The following ACSM2B variants were observed in gnomAD, a reference collection of about 807,000 sequenced individuals.
ACSM2B encodes acyl-coenzyme A synthetase ACSM2B, mitochondrial.
A neutral mutation model predicts 78.6 loss-of-function variants in ACSM2B; 58 were observed. The observed-to-expected ratio is 0.74, with a 90% confidence interval of 0.60 to 0.92. The LOEUF is 0.92. ACSM2B is among the 40% of genes least tolerant of loss of function. The pLI is 0.00. For missense variants in ACSM2B, 688 were observed against 711.2 expected, an observed-to-expected ratio of 0.97 and a Z score of 0.37; for synonymous variants, 257 against 256.8, an observed-to-expected ratio of 1.00 and a Z score of -0.01.
In ACSM2B at chr16:20,559,297, C is replaced by T. The variant is rs1385737959; in HGVS notation, c.328G>A (p.Ala110Thr). Residue 110 changes from alanine (A) to threonine (T), a missense_variant, in exon 3 of 14, where the codon GCA becomes ACA. Ala to Thr is a moderately conservative substitution (Grantham distance 58). Transcript: ENST00000329697. ...TCAGGCACTCGGGGCAGCATCACTG[C>T]CACACGATCCCCACGCTGCAGGCCA... ...ACGLQRGDRVAVMLPRVPEWW... is the reference protein window; with the variant it reads ...ACGLQRGDRVTVMLPRVPEWW... The T allele has an allele frequency of 6.2e-7, 1 of 1,613,688 alleles. No individual in the cohort carries two copies. The highest frequency in any genetic ancestry group is 1.7e-4 in the Middle Eastern group (1 of 6,038).
At chr16:20,553,653 C>A (rs1039008975) in intron 5 of ACSM2B, 124 bp downstream of exon 5, 1 of 1,448,104 alleles carries the variant, frequency 6.9e-7, no homozygotes, top group Admixed American at 2.3e-5. Context: ...TTTAGCTTTC[C>A]TTCTGAATTT....
At position 20,542,929 on chromosome 16, in the gene ACSM2B, G is replaced by C; in HGVS notation, c.1494C>G (p.Asp498Glu). The C allele has an allele frequency of 1.7e-5, 27 of 1,613,720 alleles. No individual in the cohort carries two copies. The highest frequency in any genetic ancestry group is 2.3e-5 in the Non-Finnish European group (27 of 1,179,852). Residue 498 changes from aspartate to glutamate, a missense_variant, in exon 12 of 14, where the codon GAC becomes GAG. Coordinates refer to ENST00000329697, the MANE Select transcript of ACSM2B (RefSeq NM_001105069.2). ...VVETAVISSP[D>E]PVRGEVVKAF... ...TCCCCATCACCTCTCCTCGGACGGGGTCTGGGCTGCTGATCACAGCCGTCT... is the reference window on the plus strand; with the variant it reads ...TCCCCATCACCTCTCCTCGGACGGGCTCTGGGCTGCTGATCACAGCCGTCT...
chr16:20,567,164 T>C (rs2015923173), intron 1 of ACSM2B, among the ~76,000 whole-genome samples: 1 of 134,392 alleles, frequency 7.4e-6, no homozygotes, highest in African/African-American at 2.7e-5. Context: ...TAAGATTATA[T>C]ATTATATATA....
At chr16:20,549,247 T>C (rs529256614) in intron 6 of ACSM2B, among the ~76,000 whole-genome samples, 2 of 152,176 alleles carry the variant, frequency 1.3e-5, no homozygotes, top group Non-Finnish European at 2.9e-5. Flanking sequence ...CTTAATCTGT[T>C]TTCTGTTGTT....
Position 20,545,230 on chromosome 16 carries a change from G to A in ACSM2B, c.1208C>T (p.Pro403Leu), listed in dbSNP as rs1192057435. The change falls in exon 10 of 14, where the codon CCC (proline) becomes CTC (leucine). Residue 403 changes from proline to leucine, a missense_variant. Physicochemically the swap from Pro to Leu is moderately conservative, Grantham distance 98. Coordinates refer to ENST00000329697, the MANE Select transcript of ACSM2B (RefSeq NM_001105069.2). ...QVIDDKGNVL[P>L]PGTEGDIGIR... ...GCCAATGTCTCCTTCTGTGCCGGGG[G>A]GCAGGACGTTGCCCTTATCATCTAT... The A allele has an allele frequency of 4.3e-6, 7 of 1,613,796 alleles. No homozygotes were observed. The highest frequency in any genetic ancestry group is 2.2e-5 in the South Asian group (2 of 91,028).
At position 20,555,151 on chromosome 16, in the gene ACSM2B, A is replaced by T. The variant is rs565915467; in HGVS notation, c.596+118T>A. On this transcript the variant is annotated intron_variant, in intron 4 of 13. Coordinates refer to ENST00000329697, the MANE Select transcript of ACSM2B (RefSeq NM_001105069.2). ...TTAGCTTTTATTTCTTCCCAGCTTCACTCTTCCTAGTCCCATGCTGTTCTT... is the reference window on the plus strand; with the variant it reads ...TTAGCTTTTATTTCTTCCCAGCTTCTCTCTTCCTAGTCCCATGCTGTTCTT... 8.0e-6 allele frequency: 12 copies of T among 1,495,410 alleles called. No individual in the cohort carries two copies. The East Asian group carries it at 2.5e-4, about 31-fold the overall frequency. The allele number at this position is 1,495,410 out of a possible 1,614,324, so 92.6% of individuals were successfully genotyped here.
chr16:20,569,652 A>G (rs528311383), intron 1 of ACSM2B, among the ~76,000 whole-genome samples: 11 of 151,760 alleles, frequency 7.2e-5, no homozygotes, highest in Non-Finnish European at 1.3e-4. Flanking sequence ...GAATTTGTAT[A>G]TTGCTTTTGG....
intron 2 of ACSM2B, among the ~76,000 whole-genome samples, chr16:20,563,202 A>G (rs2015719231): frequency 6.6e-6 from 1 of 152,198 alleles, no homozygotes; most frequent in Non-Finnish European, 1.5e-5. Flanking sequence ...GGTGCAAAAA[A>G]GTTATTTCAG....
rs376660236 is a variant in ACSM2B at position 20,537,261 on chromosome 16, C to G, written c.1731G>C (p.Gln577His). The G allele has an allele frequency of 9.2e-5, 148 of 1,613,912 alleles. No individual in the cohort carries two copies. The highest frequency in any genetic ancestry group is 1.2e-4 in the Non-Finnish European group (142 of 1,179,892). ...EWKMSGKARA[Q>H] ...AAATGAATGTCTCCTAGACGCCTCA[C>G]TGCGCACGGGCTTTTCCGGACATCT... Residue 577 changes from glutamine to histidine, a missense_variant, in exon 14 of 14, where the codon CAG becomes CAC. Coordinates refer to ENST00000329697, the MANE Select transcript of ACSM2B (RefSeq NM_001105069.2).
At chr16:20,551,207 G>C (rs1420104332) in intron 6 of ACSM2B, among the ~76,000 whole-genome samples, 1 of 152,050 alleles carries the variant, frequency 6.6e-6, no homozygotes, top group East Asian at 1.9e-4. Context: ...TCAGAGAAGG[G>C]GTATGAACAC....
chr16:20,558,086 G>A (rs547464086), intron 3 of ACSM2B, among the ~76,000 whole-genome samples: 1 of 152,250 alleles, frequency 6.6e-6, no homozygotes, highest in African/African-American at 2.4e-5. Context: ...GAGTCATGGA[G>A]CCAGAGGTCA....
intron 2 of ACSM2B, among the ~76,000 whole-genome samples, chr16:20,563,631 T>C (rs1355376501): frequency 6.6e-6 from 1 of 151,934 alleles, no homozygotes; most frequent in Non-Finnish European, 1.5e-5. Flanking sequence ...TTGAAAATTT[T>C]CAATTTTAAA....
At chr16:20,571,980 T>C (rs995718434) in intron 1 of ACSM2B, among the ~76,000 whole-genome samples, 10 of 151,272 alleles carry the variant, frequency 6.6e-5, no homozygotes, top group African/African-American at 2.2e-4. Context: ...TAGATGAGTC[T>C]CTTGAAAGCA....
Position 20,548,422 on chromosome 16 carries a change from G to C in ACSM2B, c.946C>G (p.Arg316Gly). 1 of 1,613,588 alleles carries C rather than the reference G, an allele frequency of 6.2e-7. No individual in the cohort carries two copies. The change falls in exon 7 of 14, where the codon CGG (arginine) becomes GGG (glycine). Residue 316 changes from arginine to glycine, a missense_variant. By Grantham distance (125) the Arg-to-Gly change is moderately radical. Transcript: ENST00000329697. ...KSMMGAPIVY[R>G]MLLQQDLSSY... ...GAAAGATCCTGCTGTAGCAACATCCGGTAAACAATAGGGGCACCCATCATA... is the reference window on the plus strand; with the variant it reads ...GAAAGATCCTGCTGTAGCAACATCCCGTAAACAATAGGGGCACCCATCATA...
At chr16:20,543,296 T>A in intron 10 of ACSM2B, 34 bp from the exon 11 acceptor site, 1 of 1,613,216 alleles carries the variant, frequency 6.2e-7, no homozygotes, top group Middle Eastern at 1.7e-4. Flanking sequence ...TCATTGTGCC[T>A]GCAAAGCCTA....
Position 20,564,833 on chromosome 16 carries a change from G to T in ACSM2B, c.13C>A (p.Arg5=), listed in dbSNP as rs745852481. 3 of 1,610,636 alleles carry T rather than the reference G, an allele frequency of 1.9e-6. No individual in the cohort carries two copies. Among genetic ancestry groups the T allele is most frequent in the Non-Finnish European group, 2.5e-6 (3 of 1,177,880 alleles). Residue 5 remains arginine, a synonymous_variant, in exon 2 of 14, where the codon CGA becomes AGA. Transcript: ENST00000329697. MHWL[R]KVQGLCTLWG... ...AGGGTGCAAAGTCCCTGAACTTTTC[G>T]CAGCCAATGCATGTTCAGGCCTGTA...
At chr16:20,566,638 ATATATAC>A (rs1189715393) in intron 1 of ACSM2B, among the ~76,000 whole-genome samples, 3 of 31,072 alleles carry the variant, frequency 9.7e-5, no homozygotes, top group Admixed American at 5.3e-4. Context: ...TATATAGTAT[ATATATAC>A]TATACTATAT....
intron 6 of ACSM2B, chr16:20,549,815 C>T (rs1171419351): frequency 2.2e-6 from 1 of 449,566 alleles, no homozygotes; most frequent in Admixed American, 2.4e-5. Flanking sequence ...GAAGCGGGGG[C>T]TTCCAGCTTA....
At chr16:20,548,270 A>T in intron 7 of ACSM2B, 85 bp from the exon 8 acceptor site, 1 of 1,609,028 alleles carries the variant, frequency 6.2e-7, no homozygotes, top group East Asian at 2.2e-5. Flanking sequence ...GGGTGCTTTG[A>T]TGATGCAAAT....
Sources: allele counts gnomAD v4.1 joint callset (sites outside exome capture counted in the v4.1 genomes callset), GRCh38; gene constraint gnomAD v4.1.1; transcripts MANE v1.5; gene names NCBI Gene and HGNC (gene_info 2026-07-23, HGNC 2026-07-21).